Variants in NRG1 observed in about 807,000 individuals in gnomAD.
NRG1 encodes pro-neuregulin-1, membrane-bound isoform.
NRG1 carries 18 observed loss-of-function variants against 63.8 expected under a neutral mutation model. That is an observed-to-expected ratio of 0.28 (90% confidence interval 0.19 to 0.42). The LOEUF (loss-of-function observed/expected upper bound fraction) is 0.42. Ranked by LOEUF, NRG1 falls within the 10% of genes least tolerant of loss-of-function variation. The probability of loss-of-function intolerance (pLI) is 1.00; values close to 1 mark genes in which losing one functional copy is unlikely to be tolerated. For synonymous variants in NRG1, 302 were observed against 301.3 expected, an observed-to-expected ratio of 1.00 and a Z score of -0.02; for missense variants, 762 against 814.7, an observed-to-expected ratio of 0.94 and a Z score of 0.79.
intron 1 of NRG1, among the ~76,000 whole-genome samples, chr8:32,252,889 T>C (rs1224209340): frequency 6.6e-6 from 1 of 152,164 alleles, no homozygotes; most frequent in Non-Finnish European, 1.5e-5. Flanking sequence ...GGTTTGTAGT[T>C]CTCCTTGAAG....
rs530757865 is a variant in NRG1 at position 32,527,831 on chromosome 8, G to A, written c.38-67997G>A. On this transcript the variant is annotated intron_variant, in intron 1 of 10. Coordinates refer to the NRG1 transcript ENST00000519301. ...AGGTGGAAATCCAGGCATTTTCTTT[G>A]TTCCTCTTCTTTTTTTCACACCCCA... 6.6e-5 allele frequency among the ~76,000 whole-genome samples: 10 copies of A among 152,038 alleles called. No homozygotes were observed. In the East Asian group the frequency reaches 1.7e-3, roughly 26 times the overall value.
In NRG1 at chr8:32,375,691, G is replaced by A. The variant is rs1047709086; in HGVS notation, c.38-220137G>A. Among the ~76,000 whole-genome samples, 4 of 152,294 alleles carry A rather than the reference G, an allele frequency of 2.6e-5. No homozygotes were observed. In the East Asian group the frequency reaches 5.8e-4, roughly 22 times the overall value. On this transcript the variant is annotated intron_variant, in intron 1 of 10. Coordinates refer to the NRG1 transcript ENST00000519301. Reference sequence around the variant, plus strand: ...AAACTCTTCCTTCTCAAGAAGTCCTGCAACTGGAGCTACTAATGAAAGCTC... The same window carrying A: ...AAACTCTTCCTTCTCAAGAAGTCCTACAACTGGAGCTACTAATGAAAGCTC...
intron 1 of NRG1, among the ~76,000 whole-genome samples, chr8:32,460,339 C>T (rs1192463674): frequency 6.6e-6 from 1 of 152,132 alleles, no homozygotes; most frequent in Non-Finnish European, 1.5e-5. Context: ...AGACATTTAA[C>T]TTAAAAGGTG....
chr8:32,177,155 A>T (rs1454370404), intron 1 of NRG1, among the ~76,000 whole-genome samples: 2 of 152,122 alleles, frequency 1.3e-5, no homozygotes, highest in South Asian at 4.1e-4. Flanking sequence ...GCCATAAAAA[A>T]TGATGAGTTC....
At chr8:31,843,485 A>C (rs1826388853) in intron 1 of NRG1, among the ~76,000 whole-genome samples, 1 of 152,180 alleles carries the variant, frequency 6.6e-6, no homozygotes, top group African/African-American at 2.4e-5. Context: ...TGTCTTTTAC[A>C]ATGAGGGAAG....
At chr8:32,673,768 T>G (rs1806320364) in intron 5 of NRG1, among the ~76,000 whole-genome samples, 1 of 152,192 alleles carries the variant, frequency 6.6e-6, no homozygotes, top group Non-Finnish European at 1.5e-5. Flanking sequence ...ACCCATGAAT[T>G]GTGCGGTCAG....
intron 11 of NRG1, chr8:32,763,205 T>C (rs764620951): frequency 1.9e-6 from 3 of 1,612,710 alleles, no homozygotes; most frequent in Admixed American, 3.3e-5. Flanking sequence ...CTATGCTCTT[T>C]TTTTTTCATA....
intron 1 of NRG1, among the ~76,000 whole-genome samples, chr8:31,924,770 G>A (rs1585802224): frequency 6.6e-6 from 1 of 151,438 alleles, no homozygotes; most frequent in South Asian, 2.1e-4. Context: ...ATGAGTTTCA[G>A]CTACTTTCCC....
chr8:31,770,770 C>CATATATATATATATATATATAT (rs4036035), intron 1 of NRG1, among the ~76,000 whole-genome samples: 1 of 140,492 alleles, frequency 7.1e-6, no homozygotes, highest in African/African-American at 2.6e-5. Context: ...GTATAATAAA[C>CATATATATATATATATATATAT]ATATATATAT....
intron 1 of NRG1, among the ~76,000 whole-genome samples, chr8:32,226,329 T>G (rs1846318123): frequency 6.6e-6 from 1 of 152,186 alleles, no homozygotes; most frequent in Admixed American, 6.5e-5. Context: ...GGCATAAAAT[T>G]ATGCAGCCAG....
chr8:32,569,072 C>G (rs910608119), intron 1 of NRG1, among the ~76,000 whole-genome samples: 3 of 151,962 alleles, frequency 2.0e-5, no homozygotes, highest in East Asian at 1.9e-4. Context: ...TTTTTTGAGA[C>G]AGCATCTCGC....
intron 1 of NRG1, among the ~76,000 whole-genome samples, chr8:31,703,005 T>G (rs1810779663): frequency 6.6e-6 from 1 of 150,692 alleles, no homozygotes; most frequent in African/African-American, 2.5e-5. Context: ...TGAATCTCTA[T>G]AAAGCAAAGA....
At chr8:32,159,106 A>G (rs948220971) in intron 1 of NRG1, among the ~76,000 whole-genome samples, 3 of 152,246 alleles carry the variant, frequency 2.0e-5, no homozygotes, top group African/African-American at 7.2e-5. Context: ...ACTAAAGAGT[A>G]AAAATCACAA....
chr8:32,195,502 T>C (rs983892506), intron 1 of NRG1, among the ~76,000 whole-genome samples: 9 of 152,200 alleles, frequency 5.9e-5, no homozygotes, highest in African/African-American at 1.9e-4. Context: ...CTCATGGTTC[T>C]GGCTCTTAGT....
At chr8:31,881,735 G>A (rs1357449291) in intron 1 of NRG1, among the ~76,000 whole-genome samples, 1 of 152,148 alleles carries the variant, frequency 6.6e-6, no homozygotes, top group Non-Finnish European at 1.5e-5. Context: ...TCTAATTGCT[G>A]ATATGGAGAA....
At position 32,537,857 on chromosome 8, in the gene NRG1, T is replaced by C. The variant is rs114235818; in HGVS notation, c.38-57971T>C. 2.8e-3 allele frequency among the ~76,000 whole-genome samples: 434 copies of C among 152,296 alleles called. 3 individuals are homozygous for C. Among genetic ancestry groups the C allele is most frequent in the African/African-American group, 0.01 (418 of 41,562 alleles). On this transcript the variant is annotated intron_variant, in intron 1 of 10. Transcript: ENST00000519301. ...TCAGGTTTTGGTTACTCTTGTTTTC[T>C]TTTTTCTTTTTTGAGACAGAGTCTC... is the stretch of plus-strand genomic sequence containing the variant.
intron 1 of NRG1, among the ~76,000 whole-genome samples, chr8:31,744,111 A>G (rs553015684): frequency 1.4e-4 from 22 of 152,062 alleles, no homozygotes; most frequent in Admixed American, 3.9e-4. Flanking sequence ...GCTCTAGAGT[A>G]ATACACATGT....
intron 1 of NRG1, among the ~76,000 whole-genome samples, chr8:31,737,256 C>T (rs1366145478): frequency 6.6e-6 from 1 of 151,966 alleles, no homozygotes; most frequent in African/African-American, 2.4e-5. Flanking sequence ...TTGTAGATAC[C>T]ACTTCTCCTA....
At chr8:32,732,891 T>C (rs1396755290) in intron 6 of NRG1, among the ~76,000 whole-genome samples, 1 of 134,990 alleles carries the variant, frequency 7.4e-6, no homozygotes, top group East Asian at 2.7e-4. Context: ...CACTGAAACC[T>C]CTGCCTCCCA....
Sources: allele counts gnomAD v4.1 joint callset (sites outside exome capture counted in the v4.1 genomes callset), GRCh38; gene constraint gnomAD v4.1.1; transcripts MANE v1.5; gene names NCBI Gene and HGNC (gene_info 2026-07-23, HGNC 2026-07-21).